The following SEC24D variants were observed in gnomAD, a reference collection of about 807,000 sequenced individuals.
SEC24D encodes the protein protein transport protein Sec24D.
A neutral mutation model predicts 116.9 loss-of-function variants in SEC24D; 69 were observed. The ratio of observed to expected loss-of-function variants is 0.59; its 90% CI spans 0.49 to 0.72. SEC24D has a LOEUF of 0.72. Among genes scored for constraint, SEC24D ranks in the 30% least tolerant of loss-of-function variants. The pLI, the probability that SEC24D is intolerant of heterozygous loss-of-function variation, is 0.00. For missense variants in SEC24D, 1,131 were observed against 1,264.1 expected, an observed-to-expected ratio of 0.89 and a Z score of 1.60; for synonymous variants, 405 against 442.8, an observed-to-expected ratio of 0.91 and a Z score of 1.07.
intron 3 of SEC24D, among the ~76,000 whole-genome samples, chr4:118,822,788 G>A (rs1254333297): frequency 6.6e-6 from 1 of 151,984 alleles, no homozygotes; most frequent in African/African-American, 2.4e-5. Flanking sequence ...TGCCCAGGCT[G>A]TCTCGAACTC....
At chr4:118,808,829 A>G (rs1578460273) in intron 6 of SEC24D, among the ~76,000 whole-genome samples, 2 of 152,256 alleles carry the variant, frequency 1.3e-5, no homozygotes, top group African/African-American at 4.8e-5. Flanking sequence ...GAATTGGAAA[A>G]GAGAAAAAAA....
intron 8 of SEC24D, among the ~76,000 whole-genome samples, chr4:118,787,219 T>A: frequency 6.6e-6 from 1 of 152,244 alleles, no homozygotes; most frequent in East Asian, 1.9e-4. Flanking sequence ...AAAGGTATTT[T>A]AAATGTTACA....
At position 118,744,967 on chromosome 4, in the gene SEC24D, G is replaced by A. The variant is rs921697229; in HGVS notation, c.1801C>T (p.Leu601=). The A allele has an allele frequency of 5.6e-6, 9 of 1,606,652 alleles. No homozygotes were observed. In the African/African-American group the frequency reaches 1.2e-4, roughly 22 times the overall value. The change falls in exon 14 of 23, where the codon CTG becomes TTG. Residue 601 remains leucine, a synonymous_variant. Transcript: ENST00000280551. ...GKLKNRDDKK[L]VNTDKEKILF... Reference sequence around the variant, plus strand: ...ACCTTCTCTTTGTCTGTATTAACCAGTTTTTTGTCATCTCTGTTTTTGAGC... The same window carrying A: ...ACCTTCTCTTTGTCTGTATTAACCAATTTTTTGTCATCTCTGTTTTTGAGC...
At chr4:118,763,458 G>T (rs539126358) in intron 10 of SEC24D, among the ~76,000 whole-genome samples, 20 of 152,304 alleles carry the variant, frequency 1.3e-4, no homozygotes, top group African/African-American at 4.8e-4. Context: ...AAAGAAATCT[G>T]TGGGTCAGAA....
intron 22 of SEC24D, 131 bp downstream of exon 22, chr4:118,728,430 T>C: frequency 1.6e-6 from 1 of 612,104 alleles, no homozygotes; most frequent in Non-Finnish European, 2.8e-6. Context: ...TTTTAACTTT[T>C]ATTTTAGATT....
At chr4:118,832,432 T>C (rs1032036362) in intron 2 of SEC24D, among the ~76,000 whole-genome samples, 2 of 152,216 alleles carry the variant, frequency 1.3e-5, no homozygotes, top group East Asian at 3.9e-4. Flanking sequence ...GTGTAAACTA[T>C]GCTGAGCCAT....
chr4:118,737,906 G>A (rs1726041442), intron 19 of SEC24D, among the ~76,000 whole-genome samples: 1 of 151,874 alleles, frequency 6.6e-6, no homozygotes, highest in African/African-American at 2.4e-5. Context: ...TTGTTAATAT[G>A]CCTAAAATGT....
intron 8 of SEC24D, among the ~76,000 whole-genome samples, chr4:118,770,747 T>C (rs1727862719): frequency 6.6e-6 from 1 of 152,212 alleles, no homozygotes; most frequent in South Asian, 2.1e-4. Flanking sequence ...TGTGAAATTG[T>C]CGGCAATGAA....
At chr4:118,800,193 AAAAG>A (rs1729372566) in intron 7 of SEC24D, among the ~76,000 whole-genome samples, 1 of 152,188 alleles carries the variant, frequency 6.6e-6, no homozygotes, top group East Asian at 1.9e-4. Flanking sequence ...TAAAGCAGCT[AAAAG>A]AAAGATGCGA....
intron 2 of SEC24D, among the ~76,000 whole-genome samples, chr4:118,832,191 C>CA (rs982544567): frequency 9.9e-5 from 15 of 152,038 alleles, no homozygotes; most frequent in African/African-American, 3.6e-4. Flanking sequence ...GCTGAGATCG[C>CA]AAAACTGCAC....
intron 22 of SEC24D, among the ~76,000 whole-genome samples, chr4:118,724,798 G>T (rs1725324713): frequency 6.6e-6 from 1 of 152,174 alleles, no homozygotes; most frequent in Non-Finnish European, 1.5e-5. Context: ...CACAAGTGGG[G>T]TTAACTGAGC....
intron 13 of SEC24D, among the ~76,000 whole-genome samples, chr4:118,745,911 C>G (rs1444788788): frequency 6.6e-6 from 1 of 152,090 alleles, no homozygotes; most frequent in Non-Finnish European, 1.5e-5. Flanking sequence ...CACAGTAGCT[C>G]ACGCCTGTAA....
At chr4:118,817,691 A>G (rs987974662) in intron 3 of SEC24D, among the ~76,000 whole-genome samples, 2 of 152,142 alleles carry the variant, frequency 1.3e-5, no homozygotes, top group Non-Finnish European at 2.9e-5. Flanking sequence ...TGGGAAACTG[A>G]GCCAACCAGA....
intron 15 of SEC24D, among the ~76,000 whole-genome samples, chr4:118,741,313 C>T (rs973444347): frequency 6.6e-6 from 1 of 152,080 alleles, no homozygotes; most frequent in African/African-American, 2.4e-5. Flanking sequence ...ATTAAGAGAG[C>T]ATAAGTGATC....
At chr4:118,794,033 C>A (rs937941617) in intron 8 of SEC24D, among the ~76,000 whole-genome samples, 13 of 151,652 alleles carry the variant, frequency 8.6e-5, no homozygotes, top group African/African-American at 2.9e-4. Flanking sequence ...TTGGAAAGCA[C>A]AGAGATGAAA....
intron 8 of SEC24D, among the ~76,000 whole-genome samples, chr4:118,787,768 C>A (rs1454801568): frequency 6.6e-6 from 1 of 152,082 alleles, no homozygotes; most frequent in Non-Finnish European, 1.5e-5. Context: ...AGATTGTACA[C>A]CGTACTCCAG....
At chr4:118,797,442 G>A (rs1220092079) in intron 8 of SEC24D, among the ~76,000 whole-genome samples, 1 of 152,186 alleles carries the variant, frequency 6.6e-6, no homozygotes, top group Non-Finnish European at 1.5e-5. Flanking sequence ...CTGTATGTGT[G>A]CATTACTACA....
chr4:118,789,646 G>C (rs1215407674), intron 8 of SEC24D, among the ~76,000 whole-genome samples: 1 of 152,150 alleles, frequency 6.6e-6, no homozygotes, highest in Non-Finnish European at 1.5e-5. Flanking sequence ...GCGCAGTGGC[G>C]CAACCTTAGC....
intron 11 of SEC24D, chr4:118,753,906 C>G (rs1167618175): frequency 1.3e-5 from 2 of 152,096 alleles, no homozygotes; most frequent in Non-Finnish European, 2.9e-5. Flanking sequence ...GAAAAGGAAC[C>G]TGGTTTGCCC....
Sources: allele counts gnomAD v4.1 joint callset (sites outside exome capture counted in the v4.1 genomes callset), GRCh38; gene constraint gnomAD v4.1.1; transcripts MANE v1.5; gene names NCBI Gene and HGNC (gene_info 2026-07-23, HGNC 2026-07-21).